DPP6: variants seen among roughly 807,000 people sequenced by gnomAD.
The protein encoded by DPP6 is A-type potassium channel modulatory protein DPP6.
DPP6 carries 69 observed loss-of-function variants against 122.6 expected under a neutral mutation model. That is an observed-to-expected ratio of 0.56 (90% CI 0.46 to 0.69). DPP6 has a LOEUF of 0.69. Ranked by LOEUF, DPP6 falls within the 30% of genes least tolerant of loss-of-function variation. The pLI is 0.00. For synonymous variants in DPP6, 418 were observed against 433.1 expected (o/e 0.97, Z 0.43); for missense variants, 928 against 1,116.9 (o/e 0.83, Z 2.41).
At chr7:154,338,795 G>A (rs1330983389) in intron 1 of DPP6, among the ~76,000 whole-genome samples, 3 of 152,148 alleles carry the variant, frequency 2.0e-5, no homozygotes, top group Non-Finnish European at 2.9e-5. Flanking sequence ...TGCTTATTCA[G>A]TCATTTAGCA....
chr7:153,859,985 G>C, the DPP6 span, among the ~76,000 whole-genome samples: 1 of 152,134 alleles, frequency 6.6e-6, no homozygotes, highest in Admixed American at 6.5e-5. Flanking sequence ...ATTTGGGTGG[G>C]AACACGGAGC....
chr7:154,469,011 T>C (rs973335630), intron 2 of DPP6, among the ~76,000 whole-genome samples: 1 of 152,232 alleles, frequency 6.6e-6, no homozygotes, highest in African/African-American at 2.4e-5. Context: ...AAATGCTCTC[T>C]TCATTCAAAA....
intron 10 of DPP6, among the ~76,000 whole-genome samples, chr7:154,793,385 A>C (rs1056197186): frequency 9.9e-5 from 15 of 152,136 alleles, no homozygotes; most frequent in African/African-American, 2.9e-4. Context: ...GACTGGATGA[A>C]TTCCCAGAAG....
chr7:153,928,396 A>ATTTT lies in DPP6; in HGVS notation c.51+40684_51+40687dup, dbSNP rs71182854. Among the ~76,000 whole-genome samples the ATTTT allele has an allele frequency of 5.1e-3, 223 of 43,682 alleles. 28 individuals are homozygous for ATTTT. Among genetic ancestry groups the ATTTT allele is most frequent in the Non-Finnish European group, 5.8e-3 (133 of 22,858 alleles). The allele number at this position is 43,682 out of a possible 152,430, so 28.7% of individuals were successfully genotyped here. ...CTGGCTAATTTTTTTCTTTTCTTTC[A>ATTTT]TTTTTTTTTTTTTTTTTTTTTTTTT... On this transcript the variant is annotated intron_variant, in intron 1 of 25. Transcript: ENST00000404039.
chr7:153,798,723 T>C, the DPP6 span, among the ~76,000 whole-genome samples: 2 of 152,174 alleles, frequency 1.3e-5, no homozygotes, highest in Admixed American at 6.5e-5. Flanking sequence ...TACATTGTAA[T>C]ATAAAATGAA....
intron 1 of DPP6, among the ~76,000 whole-genome samples, chr7:154,063,590 C>T (rs1336370269): frequency 5.7e-5 from 7 of 123,770 alleles, no homozygotes; most frequent in African/African-American, 1.8e-4. Context: ...CTGATAGTAC[C>T]CCCATCGCAG....
chr7:154,846,571 A>T (rs1584879501), intron 16 of DPP6, among the ~76,000 whole-genome samples: 1 of 152,302 alleles, frequency 6.6e-6, no homozygotes, highest in East Asian at 1.9e-4. Flanking sequence ...TGACTATAAA[A>T]CCTTTTTGAA....
chr7:153,817,773 G>A, the DPP6 span, among the ~76,000 whole-genome samples: 4 of 124,558 alleles, frequency 3.2e-5, no homozygotes, highest in African/African-American at 9.0e-5. Flanking sequence ...TCGTGGGGTG[G>A]GGGGAGGGGG....
intron 2 of DPP6, among the ~76,000 whole-genome samples, chr7:154,470,916 T>A (rs185268360): frequency 6.6e-6 from 1 of 152,326 alleles, no homozygotes; most frequent in African/African-American, 2.4e-5. Flanking sequence ...CTTGTTTTGA[T>A]GGCAAAAGCA....
chr7:154,446,306 C>G lies in DPP6; in HGVS notation c.336C>G (p.Thr112=), dbSNP rs374577318. The change falls in exon 2 of 26, where the codon ACC becomes ACG. Residue 112 remains threonine (T), a synonymous_variant. Transcript: ENST00000377770. ...TGGTCATCTGCTCCTTGATCGTCAC[C>G]TCGGTCATACTTCTGACACCAGGTA... ...VILVICSLIV[T]SVILLTPAED... 6.2e-7 allele frequency: 1 copy of G among 1,611,628 alleles called. No individual in the cohort carries two copies. The highest frequency in any genetic ancestry group is 1.3e-5 in the African/African-American group (1 of 74,806).
the DPP6 span, among the ~76,000 whole-genome samples, chr7:153,769,062 G>A: frequency 2.5e-3 from 384 of 152,212 alleles, 3 homozygotes; most frequent in Middle Eastern, 0.027. Context: ...TGTCTTCCTA[G>A]AAATTATGGC....
intron 1 of DPP6, among the ~76,000 whole-genome samples, chr7:154,193,994 C>A (rs778723659): frequency 2.6e-5 from 4 of 152,084 alleles, no homozygotes; most frequent in Non-Finnish European, 5.9e-5. Context: ...AGGAACATAT[C>A]GTGCCCAATT....
intron 1 of DPP6, among the ~76,000 whole-genome samples, chr7:154,427,809 C>T (rs1158061067): frequency 6.6e-6 from 1 of 152,170 alleles, no homozygotes; most frequent in African/African-American, 2.4e-5. Flanking sequence ...ACTAGGCATG[C>T]ATTCAGCATT....
At chr7:153,872,819 G>C in the DPP6 span, among the ~76,000 whole-genome samples, 1 of 152,160 alleles carries the variant, frequency 6.6e-6, no homozygotes, top group South Asian at 2.1e-4. Context: ...TATTTGTAAA[G>C]AAAGTGTAGG....
intron 6 of DPP6, among the ~76,000 whole-genome samples, chr7:154,649,209 T>G (rs992769126): frequency 2.0e-5 from 3 of 152,210 alleles, no homozygotes; most frequent in Non-Finnish European, 2.9e-5. Context: ...GTGACAGGTG[T>G]CTGCATTCAT....
the DPP6 span, among the ~76,000 whole-genome samples, chr7:153,787,487 A>C: frequency 7.3e-6 from 1 of 136,366 alleles, no homozygotes; most frequent in Non-Finnish European, 1.6e-5. Flanking sequence ...GAGTCCCAGC[A>C]CAGTGGCTTA....
chr7:153,919,505 C>G (rs957442559), intron 1 of DPP6, among the ~76,000 whole-genome samples: 1 of 151,536 alleles, frequency 6.6e-6, no homozygotes, highest in Non-Finnish European at 1.5e-5. Flanking sequence ...GAATGGTTGT[C>G]TACTTTGATG....
intron 4 of DPP6, among the ~76,000 whole-genome samples, chr7:154,541,783 G>A (rs1438537020): frequency 6.6e-6 from 1 of 152,128 alleles, no homozygotes; most frequent in Non-Finnish European, 1.5e-5. Context: ...GATTAGAGGA[G>A]GTTGTAAAAA....
At chr7:154,766,310 CTTCTTTTATT>C (rs1244428761) in intron 8 of DPP6, among the ~76,000 whole-genome samples, 6 of 151,840 alleles carry the variant, frequency 4.0e-5, no homozygotes, top group African/African-American at 1.5e-4. Flanking sequence ...GCTAAGTTCC[CTTCTTTTATT>C]TTATTTTATT....
Sources: gnomAD v4.1 joint callset for allele counts (sites outside exome capture counted in the v4.1 genomes callset) on GRCh38, gnomAD v4.1.1 for gene constraint, MANE v1.5 for transcripts, NCBI Gene and HGNC (gene_info 2026-07-23, HGNC 2026-07-21) for gene names.